ESRRG: variants seen among roughly 807,000 people sequenced by gnomAD.
ESRRG encodes estrogen-related receptor gamma.
In ESRRG, 13 loss-of-function variants were observed where a neutral mutation model predicts 44.0. The observed-to-expected ratio is 0.30, with a 90% CI of 0.19 to 0.47. The LOEUF (loss-of-function observed/expected upper bound fraction) is 0.47, where lower values mean the gene tolerates loss of function less well. Ranked by LOEUF, ESRRG falls within the 20% of genes least tolerant of loss-of-function variation. The pLI is 1.00. For missense variants in ESRRG, 395 were observed against 580.6 expected, an observed-to-expected ratio of 0.68 and a Z score of 3.29; for synonymous variants, 215 against 214.6, an observed-to-expected ratio of 1.00 and a Z score of -0.02.
intron 1 of ESRRG, among the ~76,000 whole-genome samples, chr1:216,997,879 A>C (rs146490112): frequency 2.0e-3 from 302 of 152,348 alleles, no homozygotes; most frequent in African/African-American, 6.8e-3. Flanking sequence ...TAACCTTGAG[A>C]GAACTGTAAA....
chr1:216,898,081 C>T (rs763731485), intron 2 of ESRRG, among the ~76,000 whole-genome samples: 1 of 152,152 alleles, frequency 6.6e-6, no homozygotes, highest in Non-Finnish European at 1.5e-5. Context: ...GTGTCCTTAG[C>T]ACACAGACCG....
chr1:216,983,525 T>A (rs889799789), intron 1 of ESRRG, among the ~76,000 whole-genome samples: 5 of 152,124 alleles, frequency 3.3e-5, no homozygotes, highest in Non-Finnish European at 5.9e-5. Flanking sequence ...ATGTACTGAT[T>A]TTTTTGGTGA....
intron 2 of ESRRG, among the ~76,000 whole-genome samples, chr1:216,871,327 G>A (rs1350155471): frequency 6.6e-6 from 1 of 151,920 alleles, no homozygotes; most frequent in Non-Finnish European, 1.5e-5. Flanking sequence ...ATTTTGTGAG[G>A]TCAGAGAACA....
At chr1:217,107,794 T>C (rs111973972) in intron 1 of ESRRG, among the ~76,000 whole-genome samples, 12 of 152,300 alleles carry the variant, frequency 7.9e-5, no homozygotes, top group Admixed American at 6.5e-4. Flanking sequence ...ATCTTTCTTA[T>C]GCTTGGAAAT....
intron 1 of ESRRG, among the ~76,000 whole-genome samples, chr1:217,079,675 T>G (rs181766985): frequency 7.9e-5 from 12 of 152,296 alleles, no homozygotes; most frequent in Non-Finnish European, 1.6e-4. Flanking sequence ...ACACTATAAC[T>G]ACCATACACA....
intron 1 of ESRRG, among the ~76,000 whole-genome samples, chr1:216,693,960 A>G (rs1348144481): frequency 1.3e-5 from 2 of 152,250 alleles, no homozygotes; most frequent in African/African-American, 2.4e-5. Flanking sequence ...TGTTGTTCAT[A>G]CAATCTCAAG....
intron 1 of ESRRG, among the ~76,000 whole-genome samples, chr1:216,684,024 G>A (rs1220139519): frequency 6.6e-6 from 1 of 152,168 alleles, no homozygotes; most frequent in African/African-American, 2.4e-5. Context: ...TTCTTGCAAT[G>A]GAGGCCCAGA....
At chr1:217,125,370 A>G (rs1309697483) in intron 1 of ESRRG, among the ~76,000 whole-genome samples, 1 of 152,194 alleles carries the variant, frequency 6.6e-6, no homozygotes, top group Non-Finnish European at 1.5e-5. Flanking sequence ...ACATAATAGT[A>G]CATACTAGAC....
At chr1:216,580,262 C>T (rs1316277335) in intron 3 of ESRRG, among the ~76,000 whole-genome samples, 1 of 152,124 alleles carries the variant, frequency 6.6e-6, no homozygotes, top group African/African-American at 2.4e-5. Context: ...CTGGAATGTA[C>T]ACAGACAAAT....
intron 1 of ESRRG, among the ~76,000 whole-genome samples, chr1:216,957,779 A>G (rs917792044): frequency 1.3e-5 from 2 of 152,200 alleles, no homozygotes; most frequent in African/African-American, 2.4e-5. Flanking sequence ...TTGAAAGTCT[A>G]AGTATTAAAT....
intron 2 of ESRRG, among the ~76,000 whole-genome samples, chr1:216,824,807 T>C (rs1370509235): frequency 6.6e-6 from 1 of 152,184 alleles, no homozygotes; most frequent in Admixed American, 6.5e-5. Flanking sequence ...TTATGGCAAA[T>C]TTGTCGCAGA....
chr1:216,575,773 G>A (rs1242090155), intron 3 of ESRRG, among the ~76,000 whole-genome samples: 7 of 152,022 alleles, frequency 4.6e-5, no homozygotes, highest in Non-Finnish European at 1.0e-4. Context: ...TATTCCAAAA[G>A]CAGAAACACA....
intron 1 of ESRRG, among the ~76,000 whole-genome samples, chr1:216,947,182 A>G (rs1361898154): frequency 2.6e-5 from 4 of 152,260 alleles, no homozygotes; most frequent in Non-Finnish European, 4.4e-5. Context: ...AGAAAAATAT[A>G]AATATACATA....
chr1:216,521,496 G>C (rs573635296), intron 5 of ESRRG, among the ~76,000 whole-genome samples: 47 of 152,010 alleles, frequency 3.1e-4, no homozygotes, highest in African/African-American at 9.9e-4. Flanking sequence ...AAAATGAATG[G>C]GTCTTTTCAA....
chr1:216,775,498 A>G (rs1474731993), intron 2 of ESRRG, among the ~76,000 whole-genome samples: 6 of 141,766 alleles, frequency 4.2e-5, no homozygotes, highest in Non-Finnish European at 6.1e-5. Flanking sequence ...TCTATTCCCA[A>G]TTGCTCAACC....
At chr1:216,516,668 C>CACAGAGAGAGAGAGAG (rs376701865) in intron 6 of ESRRG, among the ~76,000 whole-genome samples, 37 of 137,240 alleles carry the variant, frequency 2.7e-4, no homozygotes, top group African/African-American at 1.0e-3. Context: ...CACACACACA[C>CACAGAGAGAGAGAGAG]AGAGAGAGAG....
intron 1 of ESRRG, among the ~76,000 whole-genome samples, chr1:216,686,406 G>A (rs2077960742): frequency 7.6e-6 from 1 of 131,524 alleles, no homozygotes; most frequent in South Asian, 2.4e-4. Flanking sequence ...AATGACTAAG[G>A]ATTTATTTTG....
chr1:216,585,238 A>G (rs2063547111), intron 3 of ESRRG, among the ~76,000 whole-genome samples: 1 of 152,184 alleles, frequency 6.6e-6, no homozygotes, highest in African/African-American at 2.4e-5. Flanking sequence ...GAAATATGGA[A>G]AAATAAAGAA....
intron 2 of ESRRG, among the ~76,000 whole-genome samples, chr1:216,795,767 A>T (rs1225314538): frequency 6.6e-6 from 1 of 152,178 alleles, no homozygotes; most frequent in Non-Finnish European, 1.5e-5. Context: ...TCCTCTCAGG[A>T]ATCATCTGTA....
Sources: gnomAD v4.1 joint callset for allele counts (sites outside exome capture counted in the v4.1 genomes callset) on GRCh38, gnomAD v4.1.1 for gene constraint, MANE v1.5 for transcripts, NCBI Gene and HGNC (gene_info 2026-07-23, HGNC 2026-07-21) for gene names.